The following AFF3 variants were observed in gnomAD, a reference collection of about 807,000 sequenced individuals.
The protein encoded by AFF3 is AF4/FMR2 family member 3.
AFF3 carries 32 observed loss-of-function variants against 129.7 expected under a neutral mutation model. The observed-to-expected ratio is 0.25, with a 90% confidence interval of 0.19 to 0.33. AFF3 has a LOEUF of 0.33. Among genes scored for constraint, AFF3 ranks in the 10% least tolerant of loss-of-function variants. The pLI is 1.00. For synonymous variants in AFF3, 644 were observed against 635.4 expected (o/e 1.01, Z -0.20); for missense variants, 1,373 against 1,592.0 (o/e 0.86, Z 2.34).
At position 99,834,666 on chromosome 2, in the gene AFF3, C is replaced by G. The variant is rs531130820; in HGVS notation, c.921+2811G>C. 2.0e-5 allele frequency among the ~76,000 whole-genome samples: 3 copies of G among 152,312 alleles called. No homozygotes were observed. In the South Asian group the frequency reaches 6.2e-4, roughly 32 times the overall value. On this transcript the variant is annotated intron_variant, in intron 8 of 24. Transcript: ENST00000672756. ...TGTGGTTTTAGATCCTCATCTTTCT[C>G]GTCCTCTCAGAAACTCTGAACACCA...
rs1247613119 is a variant in AFF3, at chr2:100,092,002, C to A, written c.53+12400G>T. ...TGGTGCCTGCAGCCTACTTCTCATT[C>A]TCTCCTCCTCCGCCCTAGACAATCT... On this transcript the variant is annotated intron_variant, in intron 4 of 24. Transcript: ENST00000672756. Among the ~76,000 whole-genome samples the A allele has an allele frequency of 2.7e-5, 4 of 148,920 alleles. No homozygotes were observed. The South Asian group carries it at 8.4e-4, about 31-fold the overall frequency.
intron 7 of AFF3, among the ~76,000 whole-genome samples, chr2:99,895,642 C>A (rs1013336761): frequency 6.6e-6 from 1 of 152,080 alleles, no homozygotes; most frequent in African/African-American, 2.4e-5. Flanking sequence ...AGCGTCCGGG[C>A]TATGCTCTCC....
At chr2:99,726,976 C>T in intron 11 of AFF3, 101 bp downstream of exon 11, 2 of 1,067,342 alleles carry the variant, frequency 1.9e-6, no homozygotes, top group Non-Finnish European at 2.7e-6. Context: ...CATGGGCTTC[C>T]TTCCATCATC....
intron 4 of AFF3, among the ~76,000 whole-genome samples, chr2:100,052,318 T>C (rs548987107): frequency 2.0e-5 from 3 of 152,174 alleles, no homozygotes; most frequent in Non-Finnish European, 4.4e-5. Flanking sequence ...AAAACTTACA[T>C]TGGGAAGTTA....
intron 4 of AFF3, among the ~76,000 whole-genome samples, chr2:100,019,070 G>A (rs1175295244): frequency 6.6e-6 from 1 of 152,124 alleles, no homozygotes; most frequent in Non-Finnish European, 1.5e-5. Context: ...GGCCACTCAG[G>A]CTCATGGGCT....
chr2:99,954,355 G>A (rs1461781698), intron 7 of AFF3, among the ~76,000 whole-genome samples: 2 of 152,226 alleles, frequency 1.3e-5, no homozygotes, highest in Admixed American at 6.5e-5. Flanking sequence ...AAGTCAGTGT[G>A]GCAATTTCTC....
intron 1 of AFF3, among the ~76,000 whole-genome samples, chr2:100,137,523 G>A (rs143666386): frequency 2.8e-5 from 4 of 143,970 alleles, no homozygotes; most frequent in East Asian, 4.3e-4. Flanking sequence ...ATGTGTGCAC[G>A]TGCACACGTG....
chr2:99,671,547 G>C (rs954161606), intron 12 of AFF3, among the ~76,000 whole-genome samples: 1 of 147,352 alleles, frequency 6.8e-6, no homozygotes, highest in African/African-American at 2.4e-5. Context: ...TTTAACCTCT[G>C]CTTGTTCTCT....
intron 7 of AFF3, among the ~76,000 whole-genome samples, chr2:99,967,102 T>G (rs1677858077): frequency 6.6e-6 from 1 of 152,146 alleles, no homozygotes; most frequent in Non-Finnish European, 1.5e-5. Flanking sequence ...TTCTGCCTTC[T>G]CACAATTCTC....
chr2:99,669,917 T>C (rs1485014856), intron 12 of AFF3, among the ~76,000 whole-genome samples: 1 of 152,180 alleles, frequency 6.6e-6, no homozygotes, highest in African/African-American at 2.4e-5. Flanking sequence ...GCCACTGCAC[T>C]CCAGCCTGGG....
intron 4 of AFF3, among the ~76,000 whole-genome samples, chr2:100,050,722 C>A (rs1686250110): frequency 6.6e-6 from 1 of 152,210 alleles, no homozygotes; most frequent in Non-Finnish European, 1.5e-5. Context: ...AATCCCCAAG[C>A]ACCCTAAAGG....
chr2:99,805,817 C>T (rs1186737417), intron 8 of AFF3, among the ~76,000 whole-genome samples: 2 of 146,490 alleles, frequency 1.4e-5, no homozygotes, highest in African/African-American at 5.3e-5. Flanking sequence ...GAGTCTTACA[C>T]ACACACACAC....
At chr2:100,138,405 T>C (rs540177114) in intron 1 of AFF3, among the ~76,000 whole-genome samples, 6 of 152,312 alleles carry the variant, frequency 3.9e-5, no homozygotes, top group African/African-American at 1.4e-4. Context: ...ATTCCTGTGG[T>C]TCTTAACGGT....
intron 8 of AFF3, among the ~76,000 whole-genome samples, chr2:99,809,919 G>C (rs1686658438): frequency 6.6e-6 from 1 of 152,162 alleles, no homozygotes; most frequent in East Asian, 1.9e-4. Context: ...TTATTCAGGA[G>C]ACCTCCAGTA....
chr2:99,802,360 T>C (rs1027420134), intron 8 of AFF3, among the ~76,000 whole-genome samples: 1 of 152,186 alleles, frequency 6.6e-6, no homozygotes, highest in Non-Finnish European at 1.5e-5. Context: ...TTTTAACCTA[T>C]TCCCACTTAC....
At chr2:100,038,344 A>AC (rs1431694423) in intron 4 of AFF3, among the ~76,000 whole-genome samples, 3 of 151,868 alleles carry the variant, frequency 2.0e-5, no homozygotes, top group African/African-American at 7.3e-5. Context: ...TTCCAGCAAC[A>AC]ATCAAGTTGT....
At chr2:100,061,938 G>A (rs1472940422) in intron 4 of AFF3, among the ~76,000 whole-genome samples, 2 of 151,574 alleles carry the variant, frequency 1.3e-5, no homozygotes, top group Non-Finnish European at 2.9e-5. Context: ...AATTTCCGTA[G>A]AATTTTGGAG....
intron 2 of AFF3, among the ~76,000 whole-genome samples, chr2:100,120,667 A>AT (rs202221465): frequency 1.3e-4 from 20 of 151,150 alleles, no homozygotes; most frequent in South Asian, 8.4e-4. Flanking sequence ...CACCTTAGCC[A>AT]TTTTTTTTTA....
chr2:99,863,971 T>C (rs1024877260), intron 7 of AFF3, among the ~76,000 whole-genome samples: 4 of 152,158 alleles, frequency 2.6e-5, no homozygotes, highest in Non-Finnish European at 4.4e-5. Context: ...GAAGCAGACA[T>C]AACCATCTAC....
Sources: gnomAD v4.1 joint callset for allele counts (sites outside exome capture counted in the v4.1 genomes callset) on GRCh38, gnomAD v4.1.1 for gene constraint, MANE v1.5 for transcripts, NCBI Gene and HGNC (gene_info 2026-07-23, HGNC 2026-07-21) for gene names.